The following GATAD2A variants were observed in gnomAD, a reference collection of about 807,000 sequenced individuals.
GATAD2A encodes the protein GATA zinc finger domain containing 2A.
A neutral mutation model predicts 68.5 loss-of-function variants in GATAD2A; 12 were observed. The observed-to-expected ratio is 0.18, with a 90% CI of 0.11 to 0.28. The LOEUF is 0.28. Among genes scored for constraint, GATAD2A ranks in the 10% least tolerant of loss-of-function variants. The pLI, the probability that GATAD2A is intolerant of heterozygous loss-of-function variation, is 1.00. For missense variants in GATAD2A, 755 were observed against 868.5 expected (o/e 0.87, Z 1.64); for synonymous variants, 410 against 375.3 (o/e 1.09, Z -1.07).
At chr19:19,474,994 A>T (rs544394435) in intron 2 of GATAD2A, among the ~76,000 whole-genome samples, 1 of 152,208 alleles carries the variant, frequency 6.6e-6, no homozygotes, top group Admixed American at 6.5e-5. Context: ...CCCTTGTGCT[A>T]GTCAGTCACA....
chr19:19,448,225 T>C (rs1235854627), intron 1 of GATAD2A, among the ~76,000 whole-genome samples: 1 of 152,238 alleles, frequency 6.6e-6, no homozygotes, highest in Non-Finnish European at 1.5e-5. Flanking sequence ...CTGTGGAGGT[T>C]TAAGACTGCC....
intron 1 of GATAD2A, among the ~76,000 whole-genome samples, chr19:19,424,916 C>T (rs1460022919): frequency 1.3e-5 from 2 of 151,694 alleles, no homozygotes; most frequent in African/African-American, 2.4e-5. Context: ...GAGTTTGAGA[C>T]CATCCTGGGC....
intron 1 of GATAD2A, among the ~76,000 whole-genome samples, chr19:19,390,513 T>C (rs1449325065): frequency 6.6e-5 from 10 of 152,200 alleles, no homozygotes; most frequent in Admixed American, 6.5e-4. Context: ...GCAAGAGTTT[T>C]CTGTGTTCTG....
At chr19:19,471,145 A>G (rs530179784) in intron 2 of GATAD2A, among the ~76,000 whole-genome samples, 1 of 151,898 alleles carries the variant, frequency 6.6e-6, no homozygotes. Context: ...AGTCCCAGCT[A>G]CGTGGGAGGC....
intron 2 of GATAD2A, among the ~76,000 whole-genome samples, chr19:19,490,602 CA>C (rs1031969220): frequency 6.6e-6 from 1 of 151,532 alleles, no homozygotes; most frequent in Non-Finnish European, 1.5e-5. Context: ...TTCCTGCTGA[CA>C]AAAAAAATGG....
At position 19,458,377 on chromosome 19, in the gene GATAD2A, C is replaced by CTT. The variant is rs201995592; in HGVS notation, c.-6-6962_-6-6961dup. ...TGGAGTTTTAAATGAAAGCACTTTA[C>CTT]TTGTTTGCTCCTCTTTGCCCTGTAG... On this transcript the variant is annotated intron_variant, in intron 1 of 11. Coordinates refer to ENST00000683918, the MANE Select transcript of GATAD2A (RefSeq NM_001384528.1). 6.6e-5 allele frequency: 10 copies of CTT among 152,386 alleles called. No homozygotes were observed. The East Asian group carries it at 1.9e-3, about 29-fold the overall frequency. The allele number at this position is 152,386 out of a possible 1,614,324, so 9.4% of individuals were successfully genotyped here. A position where few individuals can be genotyped will look rare whatever the true frequency, so the allele number is the denominator to read the frequency against.
chr19:19,453,817 C>T (rs2056643470), intron 1 of GATAD2A, among the ~76,000 whole-genome samples: 2 of 151,830 alleles, frequency 1.3e-5, no homozygotes, highest in South Asian at 2.1e-4. Flanking sequence ...GTGCCCGCCA[C>T]CACACCTGGC....
chr19:19,414,530 CTTTTT>C (rs758728889), intron 1 of GATAD2A, among the ~76,000 whole-genome samples: 3 of 70,208 alleles, frequency 4.3e-5, no homozygotes, highest in African/African-American at 1.8e-4. Flanking sequence ...AGGGCCTTGT[CTTTTT>C]TTTTTTTTTT....
chr19:19,428,520 G>A (rs1324742548), intron 1 of GATAD2A, among the ~76,000 whole-genome samples: 1 of 152,222 alleles, frequency 6.6e-6, no homozygotes, highest in Admixed American at 6.5e-5. Flanking sequence ...AGGCTCCCCG[G>A]GAGGGCATTG....
At chr19:19,389,759 T>C (rs1437749392) in intron 1 of GATAD2A, among the ~76,000 whole-genome samples, 1 of 152,098 alleles carries the variant, frequency 6.6e-6, no homozygotes, top group African/African-American at 2.4e-5. Context: ...TGCACGTATT[T>C]ACTATTTTAT....
At chr19:19,409,684 A>G (rs972352547) in intron 1 of GATAD2A, among the ~76,000 whole-genome samples, 2 of 152,048 alleles carry the variant, frequency 1.3e-5, no homozygotes, top group African/African-American at 2.4e-5. Context: ...ATAAAAAAAG[A>G]CGGATCTTGA....
At chr19:19,492,824 T>C (rs970187061) in intron 4 of GATAD2A, 112 bp downstream of exon 4, 12 of 1,021,422 alleles carry the variant, frequency 1.2e-5, no homozygotes, top group Non-Finnish European at 1.7e-5. Context: ...TGAGGGAGTA[T>C]AGGGCAAGGT....
intron 2 of GATAD2A, among the ~76,000 whole-genome samples, chr19:19,489,408 A>G (rs575756870): frequency 6.6e-6 from 1 of 152,364 alleles, no homozygotes; most frequent in South Asian, 2.1e-4. Flanking sequence ...GGCACAGTTA[A>G]AGGGTCATGT....
intron 1 of GATAD2A, among the ~76,000 whole-genome samples, chr19:19,422,023 A>G (rs986497268): frequency 6.6e-6 from 1 of 152,060 alleles, no homozygotes; most frequent in African/African-American, 2.4e-5. Context: ...GGGTTTCACC[A>G]TGTTGGCTAG....
intron 1 of GATAD2A, among the ~76,000 whole-genome samples, chr19:19,432,667 A>T (rs560706489): frequency 5.9e-5 from 9 of 152,348 alleles, no homozygotes; most frequent in African/African-American, 2.2e-4. Context: ...TGATAGATGA[A>T]ATGACAGAAC....
At chr19:19,388,124 TC>T (rs1394684367) in intron 1 of GATAD2A, among the ~76,000 whole-genome samples, 1 of 151,352 alleles carries the variant, frequency 6.6e-6, no homozygotes, top group Non-Finnish European at 1.5e-5. Flanking sequence ...TGGTGTGATC[TC>T]TGGCTCACCG....
At chr19:19,410,089 T>C (rs2050741882) in intron 1 of GATAD2A, among the ~76,000 whole-genome samples, 1 of 152,166 alleles carries the variant, frequency 6.6e-6, no homozygotes, top group South Asian at 2.1e-4. Context: ...CCCTTGCAGC[T>C]CCTCTGTACG....
intron 8 of GATAD2A, 145 bp downstream of exon 8, chr19:19,498,867 A>C: frequency 3.0e-6 from 2 of 665,722 alleles, no homozygotes; most frequent in Non-Finnish European, 5.2e-6. Flanking sequence ...GGACACCGTC[A>C]GTGCCACTGT....
At chr19:19,399,338 A>C (rs1469099423) in intron 1 of GATAD2A, among the ~76,000 whole-genome samples, 2 of 151,724 alleles carry the variant, frequency 1.3e-5, no homozygotes, top group Non-Finnish European at 1.5e-5. Flanking sequence ...TTGACCTCCC[A>C]GGCTCAAGCC....
Sources: allele counts gnomAD v4.1 joint callset (sites outside exome capture counted in the v4.1 genomes callset), GRCh38; gene constraint gnomAD v4.1.1; transcripts MANE v1.5; gene names NCBI Gene and HGNC (gene_info 2026-07-23, HGNC 2026-07-21).